The following AKAP19 variants were observed in gnomAD, a reference collection of about 807,000 sequenced individuals.
AKAP19 encodes small A-kinase anchoring protein.
chr2:189,983,713 G>T, the AKAP19 span, among the ~76,000 whole-genome samples: 1 of 152,180 alleles, frequency 6.6e-6, no homozygotes, highest in Non-Finnish European at 1.5e-5. Flanking sequence ...CAACTTCCTG[G>T]GAACCCATTG....
chr2:189,973,632 T>C, the AKAP19 span, among the ~76,000 whole-genome samples: 4 of 152,234 alleles, frequency 2.6e-5, no homozygotes, highest in Admixed American at 1.3e-4. Flanking sequence ...TTTTGGTTGG[T>C]AGGCTATTAA....
the AKAP19 span, among the ~76,000 whole-genome samples, chr2:190,038,923 TTCTTC>T: frequency 2.1e-5 from 3 of 140,158 alleles, no homozygotes; most frequent in African/African-American, 8.7e-5. Context: ...CTTCTTCTTC[TTCTTC>T]TTCTTCTTCT....
chr2:189,988,661 G>C, the AKAP19 span, among the ~76,000 whole-genome samples: 1 of 152,174 alleles, frequency 6.6e-6, no homozygotes, highest in Non-Finnish European at 1.5e-5. Context: ...TTCTATGTGT[G>C]GGACAAAGGT....
At chr2:189,973,533 T>G in the AKAP19 span, among the ~76,000 whole-genome samples, 3 of 152,218 alleles carry the variant, frequency 2.0e-5, no homozygotes, top group African/African-American at 7.2e-5. Flanking sequence ...CTTTTTCTAT[T>G]GATTGGAATA....
At chr2:190,140,510 C>T in the AKAP19 span, among the ~76,000 whole-genome samples, 2 of 152,220 alleles carry the variant, frequency 1.3e-5, no homozygotes, top group Non-Finnish European at 1.5e-5. Context: ...CAGTCCTTGA[C>T]TTCTGTGCAC....
the AKAP19 span, among the ~76,000 whole-genome samples, chr2:189,932,523 T>A: frequency 6.6e-6 from 1 of 151,924 alleles, no homozygotes; most frequent in African/African-American, 2.4e-5. Context: ...GAATTCTATT[T>A]TGGGGAAGAA....
At chr2:190,139,688 T>C in the AKAP19 span, among the ~76,000 whole-genome samples, 138,627 of 152,088 alleles carry the variant, frequency 0.91, 64,083 homozygotes, top group East Asian at 1. Flanking sequence ...TAGGGGTAAC[T>C]ACCTCCATGA....
chr2:190,151,755 A>C, the AKAP19 span, among the ~76,000 whole-genome samples: 3 of 151,626 alleles, frequency 2.0e-5, no homozygotes, highest in Non-Finnish European at 2.9e-5. Context: ...TAATCCCAGT[A>C]CTTTGAGAGG....
chr2:190,107,618 G>A, the AKAP19 span, among the ~76,000 whole-genome samples: 1 of 152,168 alleles, frequency 6.6e-6, no homozygotes, highest in Non-Finnish European at 1.5e-5. Flanking sequence ...CATGAGTACT[G>A]CTTGTTCTAG....
chr2:189,900,539 GA>G, the AKAP19 span, among the ~76,000 whole-genome samples: 1 of 152,138 alleles, frequency 6.6e-6, no homozygotes, highest in East Asian at 1.9e-4. Flanking sequence ...TCATGAATAT[GA>G]AAATATTTTA....
the AKAP19 span, among the ~76,000 whole-genome samples, chr2:190,069,173 T>TGAGAGACA: frequency 1.0e-5 from 1 of 98,858 alleles, no homozygotes; most frequent in African/African-American, 3.4e-5. Context: ...TGTGTGTGTG[T>TGAGAGACA]GTGAGAGAGA....
the AKAP19 span, among the ~76,000 whole-genome samples, chr2:189,992,871 C>A: frequency 6.6e-6 from 1 of 152,058 alleles, no homozygotes; most frequent in African/African-American, 2.4e-5. Context: ...GATTTTGTAT[C>A]CTGAAACTTT....
the AKAP19 span, among the ~76,000 whole-genome samples, chr2:190,157,365 TATACAC>T: frequency 4.3e-5 from 5 of 116,992 alleles, no homozygotes. Flanking sequence ...CCTAAACTTG[TATACAC>T]ACACACACAC....
At chr2:189,922,237 T>C in the AKAP19 span, among the ~76,000 whole-genome samples, 1 of 152,174 alleles carries the variant, frequency 6.6e-6, no homozygotes, top group Admixed American at 6.5e-5. Context: ...AAGGATCATA[T>C]CATTGTAACT....
chr2:189,916,771 T>A, the AKAP19 span, among the ~76,000 whole-genome samples: 1 of 152,230 alleles, frequency 6.6e-6, no homozygotes, highest in East Asian at 1.9e-4. Context: ...TCATCCAGGT[T>A]GTTAAATGTA....
chr2:190,095,464 G>T, the AKAP19 span: 1 of 152,140 alleles, frequency 6.6e-6, no homozygotes, highest in African/African-American at 2.4e-5. Context: ...CATTATGATG[G>T]ACACTCCAGA....
At chr2:189,964,711 G>T in the AKAP19 span, among the ~76,000 whole-genome samples, 5 of 152,266 alleles carry the variant, frequency 3.3e-5, no homozygotes, top group East Asian at 7.7e-4. Context: ...ACCTATGTTA[G>T]TCTCAAACAT....
the AKAP19 span, among the ~76,000 whole-genome samples, chr2:190,113,977 AC>A: frequency 6.6e-6 from 1 of 152,134 alleles, no homozygotes; most frequent in East Asian, 1.9e-4. Context: ...CTTACCATCT[AC>A]TGGATAATCA....
the AKAP19 span, among the ~76,000 whole-genome samples, chr2:190,177,586 A>T: frequency 6.6e-6 from 1 of 152,314 alleles, no homozygotes; most frequent in East Asian, 1.9e-4. This position sits in a 1 kb window ranked among gnomAD's most constrained non-coding sequence, Gnocchi z 4.6. Flanking sequence ...CTTCTCCCAG[A>T]GGTGCAAGCT....
Sources: allele counts gnomAD v4.1 joint callset (sites outside exome capture counted in the v4.1 genomes callset), GRCh38; gene constraint gnomAD v4.1.1; non-coding constraint Gnocchi (gnomAD v3.1); transcripts MANE v1.5; gene names NCBI Gene and HGNC (gene_info 2026-07-23, HGNC 2026-07-21).